The following RBMS1 variants were observed in gnomAD, a reference collection of about 807,000 sequenced individuals.
The protein encoded by RBMS1 is RNA-binding motif, single-stranded-interacting protein 1.
Under a neutral mutation model 62.3 loss-of-function variants are expected in RBMS1, and 17 were observed. That is an observed-to-expected ratio of 0.27 (90% CI 0.19 to 0.41). The LOEUF (loss-of-function observed/expected upper bound fraction) is 0.41, where lower values mean the gene tolerates loss of function less well. Among genes scored for constraint, RBMS1 ranks in the 10% least tolerant of loss-of-function variants. The pLI is 1.00. For synonymous variants in RBMS1, 172 were observed against 170.0 expected, an observed-to-expected ratio of 1.01 and a Z score of -0.09; for missense variants, 334 against 504.5, an observed-to-expected ratio of 0.66 and a Z score of 3.24.
chr2:160,411,419 G>A (rs1207448038), intron 1 of RBMS1, among the ~76,000 whole-genome samples: 1 of 152,210 alleles, frequency 6.6e-6, no homozygotes, highest in Non-Finnish European at 1.5e-5. Context: ...CATGCCAGGA[G>A]TGGGTGAGCA....
intron 3 of RBMS1, among the ~76,000 whole-genome samples, chr2:160,315,380 A>AAGACGATT (rs1293755789): frequency 3.3e-5 from 5 of 152,172 alleles, no homozygotes; most frequent in Non-Finnish European, 7.3e-5. Context: ...AATAGGTGTA[A>AAGACGATT]AGACGTTTTT....
intron 1 of RBMS1, among the ~76,000 whole-genome samples, chr2:160,420,551 T>A (rs892720997): frequency 6.6e-6 from 1 of 152,184 alleles, no homozygotes; most frequent in Non-Finnish European, 1.5e-5. Context: ...ATACTCCCCA[T>A]ACGTACTCTA....
intron 1 of RBMS1, among the ~76,000 whole-genome samples, chr2:160,388,282 A>C (rs1167206012): frequency 6.6e-6 from 1 of 152,194 alleles, no homozygotes; most frequent in Non-Finnish European, 1.5e-5. Context: ...TAATTCACCC[A>C]GTGGTCCTTA....
chr2:160,341,451 T>C (rs1027613867), intron 2 of RBMS1, among the ~76,000 whole-genome samples: 1 of 152,126 alleles, frequency 6.6e-6, no homozygotes, highest in Non-Finnish European at 1.5e-5. Context: ...ACACTGAAGC[T>C]GATTACTTGG....
chr2:160,490,471 T>A (rs540561435), intron 1 of RBMS1, among the ~76,000 whole-genome samples: 1 of 152,134 alleles, frequency 6.6e-6, no homozygotes, highest in African/African-American at 2.4e-5. Context: ...TGGAGACATA[T>A]TACTTTTTCT....
chr2:160,399,476 G>A (rs942498146), intron 1 of RBMS1, among the ~76,000 whole-genome samples: 1 of 151,098 alleles, frequency 6.6e-6, no homozygotes, highest in Non-Finnish European at 1.5e-5. Context: ...ATGTGCACCA[G>A]TATTATCTCC....
At chr2:160,324,882 G>GTATGTATATATATATATATATATATA (rs1690808529) in intron 2 of RBMS1, among the ~76,000 whole-genome samples, 1 of 100,016 alleles carries the variant, frequency 1.0e-5, no homozygotes, top group African/African-American at 4.2e-5. Context: ...GTGTGTGTGT[G>GTATGTATATATATATATATATATATA]TATATATATA....
chr2:160,427,755 C>T (rs1003150551), intron 1 of RBMS1, among the ~76,000 whole-genome samples: 1 of 152,024 alleles, frequency 6.6e-6, no homozygotes, highest in Non-Finnish European at 1.5e-5. Context: ...TGCCTGTGTC[C>T]AGTTTCATAA....
chr2:160,332,952 A>G (rs1171626082), intron 2 of RBMS1, among the ~76,000 whole-genome samples: 1 of 151,692 alleles, frequency 6.6e-6, no homozygotes, highest in Admixed American at 6.6e-5. Flanking sequence ...AGACATACAC[A>G]TACACTCATA....
intron 1 of RBMS1, among the ~76,000 whole-genome samples, chr2:160,425,382 GA>G (rs1682507027): frequency 1.3e-5 from 2 of 152,122 alleles, no homozygotes; most frequent in South Asian, 4.1e-4. Flanking sequence ...CTAACTAAAA[GA>G]AAACACAAAA....
At chr2:160,307,568 T>C (rs1022026849) in intron 4 of RBMS1, among the ~76,000 whole-genome samples, 4 of 152,194 alleles carry the variant, frequency 2.6e-5, no homozygotes, top group Non-Finnish European at 4.4e-5. Context: ...AGTCTTTTAT[T>C]TGAAAGATGT....
intron 6 of RBMS1, among the ~76,000 whole-genome samples, chr2:160,295,578 T>C (rs1192603282): frequency 3.9e-5 from 6 of 152,342 alleles, no homozygotes; most frequent in African/African-American, 1.4e-4. Context: ...GAAATTACTC[T>C]TTACTAGCTG....
chr2:160,367,172 G>A lies in RBMS1; in HGVS notation c.251+44C>T, dbSNP rs771789423. 8.2e-6 allele frequency: 13 copies of A among 1,577,908 alleles called. No individual in the cohort carries two copies. In the South Asian group the frequency reaches 1.4e-4, roughly 18 times the overall value. ...ATATATCACTCTATAATATGATCAA[G>A]AAAATACTTAGCAGCTAAAATAATA... On this transcript the variant is annotated intron_variant, in intron 2 of 13. Coordinates refer to ENST00000348849, the MANE Select transcript of RBMS1 (RefSeq NM_016836.4).
chr2:160,405,177 A>G (rs569405435), intron 1 of RBMS1, among the ~76,000 whole-genome samples: 2 of 152,340 alleles, frequency 1.3e-5, no homozygotes, highest in African/African-American at 4.8e-5. Context: ...TACTACTACT[A>G]TGTATGTATA....
At position 160,317,549 on chromosome 2, in the gene RBMS1, A is replaced by C. The variant is rs79337179; in HGVS notation, c.310+620T>G. Among the ~76,000 whole-genome samples the C allele has an allele frequency of 6.5e-3, 987 of 152,136 alleles. 4 individuals are homozygous for C. Among genetic ancestry groups the C allele is most frequent in the Non-Finnish European group, 0.01 (701 of 67,980 alleles). On this transcript the variant is annotated intron_variant, in intron 3 of 13. Coordinates refer to ENST00000348849, the MANE Select transcript of RBMS1 (RefSeq NM_016836.4). ...TCATGGGGCTGGATGAGCTCATCCTAATTACATGGAAAACTGAAGGTCAGT... is the reference window on the plus strand; with the variant it reads ...TCATGGGGCTGGATGAGCTCATCCTCATTACATGGAAAACTGAAGGTCAGT...
chr2:160,480,754 A>T (rs1007540738), intron 1 of RBMS1, among the ~76,000 whole-genome samples: 1 of 152,158 alleles, frequency 6.6e-6, no homozygotes. Context: ...AGTTAAGACC[A>T]CTTTGGAGAA....
intron 1 of RBMS1, among the ~76,000 whole-genome samples, chr2:160,375,330 T>C (rs1291730868): frequency 6.6e-6 from 1 of 152,222 alleles, no homozygotes; most frequent in Non-Finnish European, 1.5e-5. Context: ...TAGGCCAGCA[T>C]GGATTCCCGA....
At chr2:160,473,959 G>A (rs1685027612) in intron 1 of RBMS1, among the ~76,000 whole-genome samples, 1 of 152,154 alleles carries the variant, frequency 6.6e-6, no homozygotes, top group African/African-American at 2.4e-5. Context: ...CAACAGGTAA[G>A]AAGAACTCAT....
At chr2:160,391,493 TACTC>T (rs1193571264) in intron 1 of RBMS1, among the ~76,000 whole-genome samples, 1 of 152,108 alleles carries the variant, frequency 6.6e-6, no homozygotes, top group African/African-American at 2.4e-5. Flanking sequence ...AGCAAACTAA[TACTC>T]AGGTGCTTCG....
Sources: allele counts gnomAD v4.1 joint callset (sites outside exome capture counted in the v4.1 genomes callset), GRCh38; gene constraint gnomAD v4.1.1; transcripts MANE v1.5; gene names NCBI Gene and HGNC (gene_info 2026-07-23, HGNC 2026-07-21).